Variants in ZFHX3 observed in about 807,000 individuals in gnomAD.
ZFHX3 encodes zinc finger homeobox protein 3.
In ZFHX3, 42 loss-of-function variants were observed where a neutral mutation model predicts 279.1. That is an observed-to-expected ratio of 0.15 (90% CI 0.12 to 0.19). ZFHX3 has a LOEUF of 0.19. ZFHX3 is among the 10% of genes least tolerant of loss of function. The pLI, the probability that ZFHX3 is intolerant of heterozygous loss-of-function variation, is 1.00. For missense variants in ZFHX3, 4,981 were observed against 4,754.0 expected (o/e 1.05, Z -1.40); for synonymous variants, 2,293 against 1,957.8 (o/e 1.17, Z -4.52).
rs2052448028 is a variant in ZFHX3 at position 73,629,445 on chromosome 16, C to A, written c.-1547+50735G>T. The stretch of plus-strand genomic sequence containing the variant: ...TGATTCATATTACAAGCAATGCAAC[C>A]TCTACACCCAAATCGAAATTTCATT... On this transcript the variant is annotated intron_variant, in intron 2 of 17. Coordinates refer to the ZFHX3 transcript ENST00000641206. Among the ~76,000 whole-genome samples, 2 of 151,978 alleles carry A rather than the reference C, an allele frequency of 1.3e-5. 1 individual carries two copies. Among genetic ancestry groups the A allele is most frequent in the South Asian group, 4.1e-4 (2 of 4,822 alleles).
intron 7 of ZFHX3, among the ~76,000 whole-genome samples, chr16:73,108,677 G>A (rs915484820): frequency 6.6e-6 from 1 of 152,220 alleles, no homozygotes; most frequent in African/African-American, 2.4e-5. Context: ...GCCCTGTGGA[G>A]TGCGGGGCAC....
At chr16:72,965,585 A>G (rs942341085) in intron 1 of ZFHX3, among the ~76,000 whole-genome samples, 1 of 152,182 alleles carries the variant, frequency 6.6e-6, no homozygotes, top group African/African-American at 2.4e-5. Context: ...ATGCTACAGA[A>G]TCCATGCTAA....
At chr16:73,684,336 T>TTG (rs10637195) in intron 1 of ZFHX3, among the ~76,000 whole-genome samples, 18,778 of 149,758 alleles carry the variant, frequency 0.13, 1,231 homozygotes, top group Middle Eastern at 0.15. Flanking sequence ...GTGTGTGTGT[T>TTG]TGTGTGTGTG....
At chr16:73,605,597 G>GA (rs1033801058) in intron 2 of ZFHX3, among the ~76,000 whole-genome samples, 1 of 150,104 alleles carries the variant, frequency 6.7e-6, no homozygotes, top group Non-Finnish European at 1.5e-5. Context: ...AAACACTAAG[G>GA]AAAAAGCAAG....
At chr16:72,851,656 G>C (rs1301213577) in intron 4 of ZFHX3, among the ~76,000 whole-genome samples, 1 of 151,976 alleles carries the variant, frequency 6.6e-6, no homozygotes, top group Admixed American at 6.6e-5. Flanking sequence ...CCGGGTTCAA[G>C]AGATTCTCCT....
At chr16:73,264,288 T>C (rs1313718568) in intron 4 of ZFHX3, among the ~76,000 whole-genome samples, 1 of 152,186 alleles carries the variant, frequency 6.6e-6, no homozygotes, top group Non-Finnish European at 1.5e-5. Context: ...TTCTTTCCTG[T>C]TCCCTCAAGG....
At chr16:73,696,487 T>A (rs1408486335) in intron 1 of ZFHX3, among the ~76,000 whole-genome samples, 1 of 152,216 alleles carries the variant, frequency 6.6e-6, no homozygotes, top group Non-Finnish European at 1.5e-5. Context: ...GTCATGATTC[T>A]GAACCAAAGA....
chr16:73,819,058 T>G (rs1402694999), intron 1 of ZFHX3, among the ~76,000 whole-genome samples: 1 of 152,120 alleles, frequency 6.6e-6, no homozygotes. Flanking sequence ...TGCAACTGGG[T>G]GCTCCTTACG....
intron 3 of ZFHX3, among the ~76,000 whole-genome samples, chr16:73,438,563 T>C (rs1196069344): frequency 2.0e-5 from 3 of 152,206 alleles, no homozygotes; most frequent in African/African-American, 7.2e-5. Flanking sequence ...GGAAAAACAA[T>C]AAACATCAAA....
At chr16:73,457,064 A>G (rs982733998) in intron 2 of ZFHX3, among the ~76,000 whole-genome samples, 3 of 152,240 alleles carry the variant, frequency 2.0e-5, no homozygotes, top group African/African-American at 7.2e-5. Flanking sequence ...TAAAACCACC[A>G]CATATAGAGG....
intron 3 of ZFHX3, among the ~76,000 whole-genome samples, chr16:73,338,108 A>T (rs1349401261): frequency 6.6e-6 from 1 of 152,152 alleles, no homozygotes; most frequent in Non-Finnish European, 1.5e-5. Context: ...TTGTTTCCTA[A>T]TCTGCAGATG....
At chr16:73,057,260 A>C (rs934358206) in intron 1 of ZFHX3, among the ~76,000 whole-genome samples, 2 of 152,232 alleles carry the variant, frequency 1.3e-5, no homozygotes, top group Admixed American at 6.5e-5. Flanking sequence ...CATTGAACAA[A>C]AGTCAGATTC....
intron 1 of ZFHX3, among the ~76,000 whole-genome samples, chr16:73,013,493 G>T (rs1963991821): frequency 6.6e-6 from 1 of 152,042 alleles, no homozygotes; most frequent in South Asian, 2.1e-4. Flanking sequence ...TTGCCATGTT[G>T]CCCAGGCTGG....
intron 1 of ZFHX3, among the ~76,000 whole-genome samples, chr16:73,055,712 A>T (rs539812651): frequency 2.1e-5 from 3 of 143,394 alleles, no homozygotes; most frequent in South Asian, 4.6e-4. Flanking sequence ...ACACACACAC[A>T]CACACACACA....
At chr16:73,059,994 T>C (rs1965660254), upstream of ZFHX3, among the ~76,000 whole-genome samples, 1 of 152,158 alleles carries the variant, frequency 6.6e-6, no homozygotes, top group African/African-American at 2.4e-5. Context: ...TCCAACTTTC[T>C]ACCTTTCTGG....
At chr16:73,607,885 C>A (rs920784053) in intron 2 of ZFHX3, among the ~76,000 whole-genome samples, 2 of 152,052 alleles carry the variant, frequency 1.3e-5, no homozygotes, top group Non-Finnish European at 2.9e-5. Context: ...GCCTAGGCAA[C>A]ATGGCAAAAC....
At chr16:73,786,257 TTA>T (rs776424004) in intron 1 of ZFHX3, among the ~76,000 whole-genome samples, 37 of 152,158 alleles carry the variant, frequency 2.4e-4, no homozygotes, top group Non-Finnish European at 4.8e-4. Flanking sequence ...TTAATTTTGT[TTA>T]TATGTTTTCT....
chr16:73,136,007 G>T (rs555590415), intron 6 of ZFHX3, among the ~76,000 whole-genome samples: 1 of 152,016 alleles, frequency 6.6e-6, no homozygotes, highest in African/African-American at 2.4e-5. Flanking sequence ...ACAGGCACAC[G>T]CCACCATGCC....
intron 2 of ZFHX3, among the ~76,000 whole-genome samples, chr16:73,624,334 A>G (rs2052395734): frequency 6.6e-6 from 1 of 152,226 alleles, no homozygotes; most frequent in Admixed American, 6.5e-5. Context: ...ATTTCAAGCT[A>G]TAAATCTGAA....
Sources: allele counts gnomAD v4.1 joint callset (sites outside exome capture counted in the v4.1 genomes callset), GRCh38; gene constraint gnomAD v4.1.1; transcripts MANE v1.5; gene names NCBI Gene and HGNC (gene_info 2026-07-23, HGNC 2026-07-21).